The following ZNF469 variants were observed in gnomAD, a reference collection of about 807,000 sequenced individuals.
ZNF469 encodes the protein zinc finger protein 469.
Under a neutral mutation model 1.0 loss-of-function variants are expected in ZNF469, and 1 was observed. The observed-to-expected ratio is 1.00, with a 90% CI of 0.35 to 4.73. ZNF469 has a LOEUF of 4.73. Among genes scored for constraint, ZNF469 ranks in the 30% most tolerant of loss-of-function variants. ZNF469 has a pLI of 0.16. For missense variants in ZNF469, 6,100 were observed against 5,356.3 expected, an observed-to-expected ratio of 1.14 and a Z score of -4.33; for synonymous variants, 2,703 against 2,363.4, an observed-to-expected ratio of 1.14 and a Z score of -4.17.
chr16:88,293,995 G>A, the ZNF469 span, among the ~76,000 whole-genome samples: 4 of 152,350 alleles, frequency 2.6e-5, no homozygotes, highest in South Asian at 8.3e-4. Context: ...GCATCTGTGT[G>A]CTCTCTGCCC....
upstream of ZNF469, among the ~76,000 whole-genome samples, chr16:88,381,314 TCACA>T (rs1172992655): frequency 2.2e-4 from 29 of 133,234 alleles, no homozygotes; most frequent in African/African-American, 7.5e-4. Flanking sequence ...ACTCATGCAC[TCACA>T]CACAGAGACA....
the ZNF469 span, among the ~76,000 whole-genome samples, chr16:88,363,020 T>C: frequency 6.6e-6 from 1 of 152,246 alleles, no homozygotes; most frequent in Non-Finnish European, 1.5e-5. Flanking sequence ...TCATTTCAGA[T>C]ATTGTATATT....
chr16:88,199,618 C>A, the ZNF469 span, among the ~76,000 whole-genome samples: 6 of 152,222 alleles, frequency 3.9e-5, no homozygotes, highest in Admixed American at 3.9e-4. Flanking sequence ...CGGCTCGGAC[C>A]ACCCACATAT....
chr16:88,229,647 T>G, the ZNF469 span, among the ~76,000 whole-genome samples: 1 of 58,020 alleles, frequency 1.7e-5, no homozygotes, highest in East Asian at 4.6e-4. Flanking sequence ...GTGTGTGTGC[T>G]GATGTCACGC....
At chr16:88,114,662 G>A in the ZNF469 span, among the ~76,000 whole-genome samples, 1 of 152,226 alleles carries the variant, frequency 6.6e-6, no homozygotes, top group Non-Finnish European at 1.5e-5. Flanking sequence ...GGGCGTCTGG[G>A]ACCCTGTCTG....
chr16:88,235,382 C>T, the ZNF469 span, among the ~76,000 whole-genome samples: 1 of 152,324 alleles, frequency 6.6e-6, no homozygotes, highest in East Asian at 1.9e-4. Flanking sequence ...TGGCCACCCT[C>T]CCCCAACACA....
At chr16:88,409,776 C>G (rs1905096328) in intron 1 of ZNF469, among the ~76,000 whole-genome samples, 1 of 146,236 alleles carries the variant, frequency 6.8e-6, no homozygotes, top group Admixed American at 7.1e-5. Flanking sequence ...GGCAGGGCAT[C>G]CAGGCAGCTT....
At chr16:88,278,589 G>A in the ZNF469 span, among the ~76,000 whole-genome samples, 1 of 129,754 alleles carries the variant, frequency 7.7e-6, no homozygotes, top group Admixed American at 8.3e-5. Context: ...TATCATTAGT[G>A]CTGTGCCACG....
At chr16:88,153,666 G>T in the ZNF469 span, among the ~76,000 whole-genome samples, 1 of 152,226 alleles carries the variant, frequency 6.6e-6, no homozygotes, top group African/African-American at 2.4e-5. Context: ...ACACAGCCCC[G>T]GGTGCCTGAG....
the ZNF469 span, among the ~76,000 whole-genome samples, chr16:88,328,928 A>G: frequency 6.6e-6 from 1 of 152,144 alleles, no homozygotes; most frequent in Non-Finnish European, 1.5e-5. Flanking sequence ...GAGGGAGCAG[A>G]GTCAAACCGA....
the ZNF469 span, among the ~76,000 whole-genome samples, chr16:88,243,318 G>A: frequency 6.6e-6 from 1 of 152,148 alleles, no homozygotes; most frequent in Non-Finnish European, 1.5e-5. Context: ...CTGTACCACT[G>A]AGCTCTTCCA....
the ZNF469 span, among the ~76,000 whole-genome samples, chr16:88,193,081 A>ATGGTGGTGG: frequency 2.7e-5 from 1 of 36,392 alleles, no homozygotes; most frequent in African/African-American, 1.3e-4. Flanking sequence ...GGTGGTGGTG[A>ATGGTGGTGG]TGGTGGTGGT....
the ZNF469 span, among the ~76,000 whole-genome samples, chr16:88,114,517 G>A: frequency 4.6e-5 from 7 of 152,134 alleles, no homozygotes; most frequent in Admixed American, 6.5e-5. Flanking sequence ...CACTCACTGC[G>A]GAGTCTGAGG....
the ZNF469 span, among the ~76,000 whole-genome samples, chr16:88,266,349 C>T: frequency 4.6e-5 from 7 of 152,208 alleles, no homozygotes; most frequent in African/African-American, 9.7e-5. Flanking sequence ...TTGCTGGGGC[C>T]GCTCCGGCTG....
chr16:88,428,928 A>C lies in ZNF469; in HGVS notation c.1458A>C (p.Gln486His), dbSNP rs939220494. 3 of 1,545,956 alleles carry C rather than the reference A, an allele frequency of 1.9e-6. No individual in the cohort carries two copies. In the African/African-American group the frequency reaches 4.1e-5, roughly 21 times the overall value. Reference protein sequence around the residue: ...LPQSAPLPWPQVLPTARPSPH... With the variant: ...LPQSAPLPWPHVLPTARPSPH... The stretch of plus-strand genomic sequence containing the variant: ...AGAGTGCCCCCCTGCCTTGGCCCCA[A>C]GTGCTCCCGACCGCCCGGCCAAGTC... The change falls in exon 3 of 3, where the codon CAA (glutamine) becomes CAC (histidine). Residue 486 changes from glutamine (Q) to histidine (H), a missense_variant. Gln to His is a conservative substitution (Grantham distance 24). Coordinates refer to ENST00000565624, the MANE Select transcript of ZNF469 (RefSeq NM_001367624.2).
the ZNF469 span, among the ~76,000 whole-genome samples, chr16:88,306,251 G>T: frequency 6.6e-6 from 1 of 152,238 alleles, no homozygotes; most frequent in Non-Finnish European, 1.5e-5. Flanking sequence ...GGCACCTCTT[G>T]CTCTTGTGTC....
chr16:88,349,538 C>T, the ZNF469 span, among the ~76,000 whole-genome samples: 1 of 149,320 alleles, frequency 6.7e-6, no homozygotes. Context: ...CAAGTGCATA[C>T]ACACCAGGCA....
chr16:88,227,968 G>C, the ZNF469 span, among the ~76,000 whole-genome samples: 1 of 152,154 alleles, frequency 6.6e-6, no homozygotes, highest in African/African-American at 2.4e-5. Flanking sequence ...TTGGCTCACA[G>C]GTGCACCCAG....
In ZNF469 at chr16:88,388,778, C is replaced by T. The variant is rs1337031922; in HGVS notation, c.-192+5524C>T. On this transcript the variant is annotated intron_variant, in intron 1 of 2. Coordinates refer to ENST00000565624, the MANE Select transcript of ZNF469 (RefSeq NM_001367624.2). ...AAGCCGGAGAGCCTGGTGCCAGGGC[C>T]AATCTCCATACTGGAGGAAGCTGCC... Among the ~76,000 whole-genome samples the T allele has an allele frequency of 3.3e-5, 5 of 151,750 alleles. No homozygotes were observed. The East Asian group carries it at 9.7e-4, about 29-fold the overall frequency.
Sources: allele counts gnomAD v4.1 joint callset (sites outside exome capture counted in the v4.1 genomes callset), GRCh38; gene constraint gnomAD v4.1.1; transcripts MANE v1.5; gene names NCBI Gene and HGNC (gene_info 2026-07-23, HGNC 2026-07-21).